STK40: variants seen among roughly 807,000 people sequenced by gnomAD.
STK40 encodes the protein serine/threonine-protein kinase 40.
Under a neutral mutation model 47.9 loss-of-function variants are expected in STK40, and 13 were observed. That is an observed-to-expected ratio of 0.27 (90% CI 0.18 to 0.43). The LOEUF (loss-of-function observed/expected upper bound fraction) is 0.43. Ranked by LOEUF, STK40 falls within the 20% of genes least tolerant of loss-of-function variation. The pLI is 1.00. For missense variants in STK40, 460 were observed against 595.1 expected (o/e 0.77, Z 2.36); for synonymous variants, 225 against 243.2 (o/e 0.93, Z 0.69).
At chr1:36,354,309 T>C in intron 6 of STK40, 55 bp downstream of exon 6, 2 of 1,597,454 alleles carry the variant, frequency 1.3e-6, no homozygotes, top group Non-Finnish European at 1.7e-6. Flanking sequence ...AGTTGCAATG[T>C]GTAGCCTGCC....
chr1:36,356,716 C>T (rs1260847386), intron 4 of STK40, among the ~76,000 whole-genome samples: 2 of 152,150 alleles, frequency 1.3e-5, no homozygotes, highest in Non-Finnish European at 2.9e-5. Flanking sequence ...TAAGCTACCT[C>T]GCCCGGCCTC....
In STK40 at chr1:36,344,134, C is replaced by T. The variant is rs762655113; in HGVS notation, c.870G>A (p.Glu290=). The T allele has an allele frequency of 6.3e-7, 1 of 1,593,270 alleles. No homozygotes were observed. The highest frequency in any genetic ancestry group is 1.7e-5 in the Admixed American group (1 of 58,794). Residue 290 remains glutamate, a synonymous_variant, in exon 8 of 11, where the codon GAG becomes GAA. Coordinates refer to ENST00000373132, the MANE Select transcript of STK40 (RefSeq NM_001282547.2). ...QELFRKIKAA[E]YTIPEDGRVS... ...GCAGGACTCACTCAGGAATGGTATA[C>T]TCGGCAGCCTTGATCTTGCGGAAGA...
chr1:36,350,672 G>A (rs981251686), intron 6 of STK40, among the ~76,000 whole-genome samples: 3 of 152,340 alleles, frequency 2.0e-5, no homozygotes, highest in African/African-American at 2.4e-5. Flanking sequence ...TCTCATCTCC[G>A]ATGGTTGGCA....
In STK40 at chr1:36,368,270, A is replaced by G. The variant is rs1015265880; in HGVS notation, c.-8-6930T>C. Among the ~76,000 whole-genome samples the G allele has an allele frequency of 1.1e-4, 17 of 152,154 alleles. 1 individual carries two copies. The highest frequency in any genetic ancestry group is 6.8e-3 in the Middle Eastern group (2 of 294). On this transcript the variant is annotated intron_variant, in intron 1 of 10. Coordinates refer to ENST00000373132, the MANE Select transcript of STK40 (RefSeq NM_001282547.2). ...TGCCCTTAATAAACATGTACTACTC[A>G]TGCTATATATATATTTTTTTTCGAG...
intron 1 of STK40, among the ~76,000 whole-genome samples, chr1:36,379,729 C>T (rs865909628): frequency 6.6e-6 from 1 of 151,932 alleles, no homozygotes; most frequent in Non-Finnish European, 1.5e-5. Flanking sequence ...CCCCTCAGGA[C>T]GTACGACCTC....
rs1333042638 is a variant in STK40, at chr1:36,340,581, T to A, written c.*1174A>T. ...AGGGCAAGGGGAGGGGGCATTCTGG[T>A]GAGAACAGCATTTCTGGCAAGACGG... On this transcript the variant is annotated 3_prime_UTR_variant, in exon 11 of 11. Coordinates refer to ENST00000373132, the MANE Select transcript of STK40 (RefSeq NM_001282547.2). 6.5e-6 allele frequency: 1 copy of A among 152,706 alleles called. No individual in the cohort carries two copies. Among genetic ancestry groups the A allele is most frequent in the East Asian group, 1.9e-4 (1 of 5,170 alleles). 9.5% of individuals were successfully genotyped at this position (152,706 alleles called of 1,614,324 possible).
chr1:36,347,345 G>T (rs991963034), intron 7 of STK40, among the ~76,000 whole-genome samples: 4 of 152,132 alleles, frequency 2.6e-5, no homozygotes, highest in African/African-American at 9.7e-5. Flanking sequence ...AAGGATTTGG[G>T]CCAAGGACAA....
chr1:36,348,445 C>T (rs1646722892), intron 7 of STK40, among the ~76,000 whole-genome samples: 1 of 152,222 alleles, frequency 6.6e-6, no homozygotes. Flanking sequence ...TCCAAGCACC[C>T]TTCATCCACT....
rs755305561 is a variant in STK40, at chr1:36,341,843, G to T, written c.1220C>A (p.Ala407Glu). The T allele has an allele frequency of 1.8e-5, 29 of 1,613,736 alleles. 1 individual carries two copies. In the South Asian group the frequency reaches 3.1e-4, roughly 17 times the overall value. ...SWVPKRQFGS[A>E]PPVRRLGHDA... is the part of the protein sequence containing the mutation. ...GTGGCCCAGCCGTCGCACCGGTGGT[G>T]CGCTGCCGAACTGCCGCTTGGGTAC... is the stretch of plus-strand genomic sequence containing the variant. Residue 407 changes from alanine (A) to glutamate (E), a missense_variant, in exon 11 of 11, where the codon GCA becomes GAA. By Grantham distance (107) the Ala-to-Glu change is moderately radical (BLOSUM62 -1). Coordinates refer to ENST00000373132, the MANE Select transcript of STK40 (RefSeq NM_001282547.2).
chr1:36,354,214 C>T, intron 6 of STK40, 150 bp downstream of exon 6: 1 of 770,008 alleles, frequency 1.3e-6, no homozygotes, highest in Non-Finnish European at 2.2e-6. Flanking sequence ...TTCCCATGTT[C>T]ATCCCATCCC....
intron 7 of STK40, 54 bp downstream of exon 7, chr1:36,348,646 A>G: frequency 6.5e-7 from 1 of 1,529,520 alleles, no homozygotes; most frequent in African/African-American, 1.4e-5. Context: ...GTGGACTGTC[A>G]CAGAGCCTGG....
intron 1 of STK40, among the ~76,000 whole-genome samples, chr1:36,377,532 C>CA (rs746089027): frequency 0.064 from 2,195 of 34,078 alleles, 131 homozygotes; most frequent in African/African-American, 0.084. Context: ...GACTCCGTCT[C>CA]AAAAAAAAAA....
intron 2 of STK40, among the ~76,000 whole-genome samples, chr1:36,359,902 G>C (rs764528939): frequency 4.6e-5 from 7 of 152,178 alleles, no homozygotes; most frequent in Non-Finnish European, 5.9e-5. Context: ...CTGCAGTGCT[G>C]TTTCTTCTGT....
chr1:36,378,971 C>G (rs1647016352), intron 1 of STK40, among the ~76,000 whole-genome samples: 2 of 152,146 alleles, frequency 1.3e-5, no homozygotes, highest in South Asian at 4.1e-4. Flanking sequence ...TACACCAGGC[C>G]CAAGGTCCCC....
Position 36,341,587 on chromosome 1 carries a change from T to C in STK40, c.*168A>G, listed in dbSNP as rs1646647470. 1.4e-6 allele frequency: 1 copy of C among 707,760 alleles called. No individual in the cohort carries two copies. The highest frequency in any genetic ancestry group is 2.3e-6 in the Non-Finnish European group (1 of 432,540). 43.8% of individuals were successfully genotyped at this position (707,760 alleles called of 1,614,324 possible). A position where few individuals can be genotyped will look rare whatever the true frequency, so the allele number is the denominator to read the frequency against. ...CGAGCAATCATCCCAAAAGGTAGCTTCGTGGTACCTCTGCTGACCCCACGT... is the reference window on the plus strand; with the variant it reads ...CGAGCAATCATCCCAAAAGGTAGCTCCGTGGTACCTCTGCTGACCCCACGT... On this transcript the variant is annotated 3_prime_UTR_variant, in exon 11 of 11. Coordinates refer to ENST00000373132, the MANE Select transcript of STK40 (RefSeq NM_001282547.2).
At chr1:36,352,022 C>T (rs1477570031) in intron 6 of STK40, among the ~76,000 whole-genome samples, 1 of 152,166 alleles carries the variant, frequency 6.6e-6, no homozygotes, top group African/African-American at 2.4e-5. Flanking sequence ...TGGGACTGGC[C>T]CAAGGCCCCA....
At chr1:36,366,593 G>A (rs1462259067) in intron 1 of STK40, among the ~76,000 whole-genome samples, 4 of 152,104 alleles carry the variant, frequency 2.6e-5, no homozygotes, top group Non-Finnish European at 4.4e-5. Flanking sequence ...AGACACGCCT[G>A]CAAGTGGTCC....
intron 6 of STK40, among the ~76,000 whole-genome samples, chr1:36,351,234 T>C (rs2124730711): frequency 6.6e-6 from 1 of 152,342 alleles, no homozygotes; most frequent in East Asian, 1.9e-4. Flanking sequence ...ATTTCGATCC[T>C]TTTAAAATCC....
intron 6 of STK40, among the ~76,000 whole-genome samples, chr1:36,351,161 AAAAG>A (rs199941128): frequency 0.014 from 2,127 of 152,298 alleles, 51 homozygotes; most frequent in African/African-American, 0.048. Flanking sequence ...TTGCCTACCA[AAAAG>A]AAAGGAGGAA....
Sources: allele counts gnomAD v4.1 joint callset (sites outside exome capture counted in the v4.1 genomes callset), GRCh38; gene constraint gnomAD v4.1.1; transcripts MANE v1.5; gene names NCBI Gene and HGNC (gene_info 2026-07-23, HGNC 2026-07-21).